GNA13: variants seen among roughly 807,000 people sequenced by gnomAD.
GNA13 encodes the protein G protein subunit alpha 13.
Under a neutral mutation model 33.5 loss-of-function variants are expected in GNA13, and 4 were observed. The observed-to-expected ratio is 0.12, with a 90% CI of 0.06 to 0.27. The LOEUF is 0.27. Ranked by LOEUF, GNA13 falls within the 10% of genes least tolerant of loss-of-function variation. The pLI, the probability that GNA13 is intolerant of heterozygous loss-of-function variation, is 1.00. For synonymous variants in GNA13, 176 were observed against 183.8 expected, an observed-to-expected ratio of 0.96 and a Z score of 0.34; for missense variants, 319 against 487.2, an observed-to-expected ratio of 0.65 and a Z score of 3.25.
intron 3 of GNA13, among the ~76,000 whole-genome samples, chr17:65,016,623 A>G (rs545394233): frequency 4.6e-5 from 7 of 152,300 alleles, no homozygotes; most frequent in Admixed American, 3.9e-4. Context: ...CAGCCTCCCA[A>G]TGTGCTCGGA....
intron 1 of GNA13, among the ~76,000 whole-genome samples, chr17:65,055,385 T>C (rs1326344423): frequency 6.6e-6 from 1 of 152,230 alleles, no homozygotes; most frequent in East Asian, 1.9e-4. Flanking sequence ...TTAAAACTAC[T>C]GTCAATAAAG....
intron 2 of GNA13, among the ~76,000 whole-genome samples, chr17:65,025,127 GA>G (rs1295142412): frequency 1.3e-5 from 2 of 151,994 alleles, no homozygotes; most frequent in Non-Finnish European, 2.9e-5. Context: ...CGAACTCCTG[GA>G]CTCAAGCAAC....
intron 2 of GNA13, among the ~76,000 whole-genome samples, chr17:65,035,876 A>AAT (rs1369097093): frequency 6.6e-6 from 1 of 152,154 alleles, no homozygotes; most frequent in Non-Finnish European, 1.5e-5. Context: ...ATACTTCCCA[A>AAT]ATACAGTTTC....
intron 2 of GNA13, among the ~76,000 whole-genome samples, chr17:65,025,923 C>T (rs988504837): frequency 6.6e-6 from 1 of 151,864 alleles, no homozygotes; most frequent in Non-Finnish European, 1.5e-5. Flanking sequence ...GAGTTCAAGA[C>T]TGCAGTGAGC....
chr17:65,026,249 TAAAC>T (rs1392556428), intron 2 of GNA13, among the ~76,000 whole-genome samples: 2 of 151,102 alleles, frequency 1.3e-5, no homozygotes, highest in Non-Finnish European at 2.9e-5. Context: ...ATCCAACCCT[TAAAC>T]AAACCTCAAA....
intron 1 of GNA13, among the ~76,000 whole-genome samples, chr17:65,054,648 G>C (rs1907973737): frequency 6.6e-6 from 1 of 152,050 alleles, no homozygotes; most frequent in African/African-American, 2.4e-5. Context: ...ATGTCAACTT[G>C]AAAAAACTAG....
intron 2 of GNA13, among the ~76,000 whole-genome samples, chr17:65,033,102 C>T (rs1184812701): frequency 2.0e-5 from 3 of 149,928 alleles, no homozygotes; most frequent in Non-Finnish European, 4.4e-5. Context: ...CAGAGCGAGA[C>T]TCCATTTAAA....
intron 2 of GNA13, 31 bp from the exon 3 acceptor site, chr17:65,018,334 A>G: frequency 2.8e-6 from 3 of 1,075,362 alleles, no homozygotes; most frequent in African/African-American, 1.5e-5. Flanking sequence ...AATAGTTATT[A>G]GGGCTTAGAA....
intron 1 of GNA13, 110 bp from the exon 2 acceptor site, chr17:65,053,838 C>T: frequency 1.4e-6 from 1 of 696,508 alleles, no homozygotes; most frequent in South Asian, 1.9e-5. Flanking sequence ...CTAGACAAAC[C>T]TTCTTCAAAA....
chr17:65,051,654 G>C (rs1251425229), intron 2 of GNA13, among the ~76,000 whole-genome samples: 1 of 152,110 alleles, frequency 6.6e-6, no homozygotes, highest in Non-Finnish European at 1.5e-5. Flanking sequence ...ATGGGCGATG[G>C]AAAGGGGTAT....
At chr17:65,034,273 T>C (rs1380457137) in intron 2 of GNA13, among the ~76,000 whole-genome samples, 1 of 152,108 alleles carries the variant, frequency 6.6e-6, no homozygotes, top group Non-Finnish European at 1.5e-5. Context: ...TATTACATTA[T>C]TCTAGAAATT....
chr17:65,041,155 GGAAAGT>G (rs1011974001), intron 2 of GNA13, among the ~76,000 whole-genome samples: 4 of 152,164 alleles, frequency 2.6e-5, no homozygotes, highest in African/African-American at 9.7e-5. Flanking sequence ...ATGTTGAAAA[GGAAAGT>G]GAAAGTCTCT....
At chr17:65,055,962 A>C (rs1275216874) in intron 1 of GNA13, among the ~76,000 whole-genome samples, 1 of 151,996 alleles carries the variant, frequency 6.6e-6, no homozygotes, top group Non-Finnish European at 1.5e-5. Context: ...CGCAGCGGGG[A>C]GGACAGGAGA....
chr17:65,031,777 T>C (rs1907021693), intron 2 of GNA13, among the ~76,000 whole-genome samples: 1 of 151,640 alleles, frequency 6.6e-6, no homozygotes, highest in Non-Finnish European at 1.5e-5. Flanking sequence ...GGCATGGTGG[T>C]GCATGCCTCT....
intron 2 of GNA13, among the ~76,000 whole-genome samples, chr17:65,031,894 GAA>G (rs1355301456): frequency 0.031 from 3,028 of 96,410 alleles, 70 homozygotes; most frequent in African/African-American, 0.076. Flanking sequence ...GAGAGAGAGA[GAA>G]AGAGAGAGAG....
At chr17:65,015,319 C>T (rs1906323940) in intron 3 of GNA13, among the ~76,000 whole-genome samples, 1 of 152,108 alleles carries the variant, frequency 6.6e-6, no homozygotes. Context: ...CCAGAGTGAT[C>T]TTCCTGTCTG....
Position 65,056,668 on chromosome 17 carries a change from G to C in GNA13, c.-75C>G, listed in dbSNP as rs1272741106. ...TCCTCCTCCGGCGGCGGGCGGCTCC[G>C]GCACCGAGGCTCGAGGGCGGGGAGC... On this transcript the variant is annotated 5_prime_UTR_variant, in exon 1 of 4. Coordinates refer to ENST00000439174, the MANE Select transcript of GNA13 (RefSeq NM_006572.6). 1.4e-5 allele frequency: 17 copies of C among 1,220,670 alleles called. No homozygotes were observed. The highest frequency in any genetic ancestry group is 1.8e-5 in the Non-Finnish European group (17 of 927,868). The allele number at this position is 1,220,670 out of a possible 1,614,324, so 75.6% of individuals were successfully genotyped here. A position where few individuals can be genotyped will look rare whatever the true frequency, so the allele number is the denominator to read the frequency against.
intron 2 of GNA13, among the ~76,000 whole-genome samples, chr17:65,027,591 TTCCTGGGG>T (rs1906840606): frequency 6.6e-6 from 1 of 152,230 alleles, no homozygotes; most frequent in Non-Finnish European, 1.5e-5. Context: ...CAATGTATTG[TTCCTGGGG>T]ACAGTTTTTG....
At chr17:65,020,696 G>A (rs1906550712) in intron 2 of GNA13, among the ~76,000 whole-genome samples, 1 of 151,794 alleles carries the variant, frequency 6.6e-6, no homozygotes, top group African/African-American at 2.4e-5. Context: ...TGTTGCCCAG[G>A]CTGGGGTGCA....
Sources: gnomAD v4.1 joint callset for allele counts (sites outside exome capture counted in the v4.1 genomes callset) on GRCh38, gnomAD v4.1.1 for gene constraint, MANE v1.5 for transcripts, NCBI Gene and HGNC (gene_info 2026-07-23, HGNC 2026-07-21) for gene names.